Variants in SEC31B observed in about 807,000 individuals in gnomAD.
The protein encoded by SEC31B is protein transport protein Sec31B.
In SEC31B, 113 loss-of-function variants were observed where a neutral mutation model predicts 135.0. The observed-to-expected ratio is 0.84, with a 90% CI of 0.72 to 0.98. The LOEUF (loss-of-function observed/expected upper bound fraction) is 0.98. Among genes scored for constraint, SEC31B ranks in the 50% least tolerant of loss-of-function variants. SEC31B has a pLI of 0.00. For missense variants in SEC31B, 1,296 were observed against 1,421.1 expected (o/e 0.91, Z 1.42); for synonymous variants, 508 against 549.4 (o/e 0.92, Z 1.05).
intron 7 of SEC31B, 60 bp from the exon 8 acceptor site, chr10:100,506,480 C>A: frequency 9.6e-6 from 14 of 1,463,220 alleles, no homozygotes; most frequent in East Asian, 2.3e-5. Flanking sequence ...AGTAGGGTGC[C>A]TTATATGTCT....
chr10:100,512,454 T>C (rs1589740856), intron 3 of SEC31B, among the ~76,000 whole-genome samples: 1 of 152,234 alleles, frequency 6.6e-6, no homozygotes, highest in Non-Finnish European at 1.5e-5. Flanking sequence ...TTAATCCATA[T>C]TGATTCTGAC....
intron 19 of SEC31B, among the ~76,000 whole-genome samples, chr10:100,494,039 A>G (rs1156819727): frequency 1.3e-5 from 2 of 152,010 alleles, no homozygotes; most frequent in Non-Finnish European, 2.9e-5. Context: ...GAAAAAAAGA[A>G]AAGGAATTAG....
chr10:100,517,078 C>A, intron 1 of SEC31B, 81 bp from the exon 2 acceptor site: 1 of 699,008 alleles, frequency 1.4e-6, no homozygotes. Flanking sequence ...CTTTCTCCAT[C>A]ACAAGATAGG....
Position 100,495,418 on chromosome 10 carries a change from T to C in SEC31B, c.2439A>G (p.Ser813=), listed in dbSNP as rs758860343. The C allele has an allele frequency of 5.6e-6, 9 of 1,613,960 alleles. No individual in the cohort carries two copies. The highest frequency in any genetic ancestry group is 3.3e-5 in the Admixed American group (2 of 60,008). The part of the protein sequence containing the change: ...VGATLHSKET[S]SYRLGSQPSH... ...AAGGCTGGGATCCCAATCTGTAAGATGATGTCTCTTTAGAGTGGAGGGTAG... is the reference window on the plus strand; with the variant it reads ...AAGGCTGGGATCCCAATCTGTAAGACGATGTCTCTTTAGAGTGGAGGGTAG... Residue 813 remains serine (S), a synonymous_variant, in exon 19 of 26, where the codon TCA becomes TCG. Coordinates refer to ENST00000370345, the MANE Select transcript of SEC31B (RefSeq NM_015490.4).
intron 7 of SEC31B, 119 bp downstream of exon 7, chr10:100,507,306 G>T: frequency 7.9e-7 from 1 of 1,273,070 alleles, no homozygotes; most frequent in Non-Finnish European, 1.1e-6. Context: ...ATGTTGACCG[G>T]AATGGCTTTA....
rs193292825 is a variant in SEC31B at position 100,504,616 on chromosome 10, T to C, written c.1179+745A>G. 1.4e-3 allele frequency among the ~76,000 whole-genome samples: 216 copies of C among 152,310 alleles called. 1 individual carries two copies. Among genetic ancestry groups the C allele is most frequent in the Non-Finnish European group, 2.9e-4 (20 of 68,022 alleles). Reference sequence around the variant, plus strand: ...TATCCTTAAGGAGTCTATTACTTAGTAGGGTAATATGCATATATGTATATA... The same window carrying C: ...TATCCTTAAGGAGTCTATTACTTAGCAGGGTAATATGCATATATGTATATA... On this transcript the variant is annotated intron_variant, in intron 10 of 25. Coordinates refer to ENST00000370345, the MANE Select transcript of SEC31B (RefSeq NM_015490.4).
intron 3 of SEC31B, among the ~76,000 whole-genome samples, chr10:100,510,988 G>A (rs533017905): frequency 2.6e-5 from 4 of 152,324 alleles, no homozygotes; most frequent in South Asian, 2.1e-4. Context: ...AGGAACCAGC[G>A]GAGGGTATGT....
At position 100,488,804 on chromosome 10, in the gene SEC31B, C is replaced by T. The variant is rs555752328; in HGVS notation, c.3288+54G>A. The stretch of plus-strand genomic sequence containing the variant: ...AGGAACTGGTCCACAGCTGAGGGGT[C>T]CTGGAGCCAGCGAGGGGTGCGAGGA... On this transcript the variant is annotated intron_variant, in intron 24 of 25. Transcript: ENST00000370345. The T allele has an allele frequency of 5.4e-5, 83 of 1,526,054 alleles. No homozygotes were observed. In the South Asian group the frequency reaches 1.0e-3, roughly 19 times the overall value. The allele number at this position is 1,526,054 out of a possible 1,614,324, so 94.5% of individuals were successfully genotyped here. A position where few individuals can be genotyped will look rare whatever the true frequency, so the allele number is the denominator to read the frequency against.
intron 18 of SEC31B, among the ~76,000 whole-genome samples, chr10:100,495,858 C>T (rs1180124833): frequency 6.6e-6 from 1 of 152,134 alleles, no homozygotes; most frequent in Non-Finnish European, 1.5e-5. Flanking sequence ...ACTCTAGCCC[C>T]CTTAGAGATG....
At chr10:100,497,417 G>T in intron 16 of SEC31B, 137 bp from the exon 17 acceptor site, 1 of 1,494,924 alleles carries the variant, frequency 6.7e-7, no homozygotes, top group African/African-American at 1.4e-5. Flanking sequence ...TCACCTTGCT[G>T]TACAGAGAAG....
chr10:100,514,366 T>C (rs540048128), intron 3 of SEC31B, among the ~76,000 whole-genome samples: 17 of 152,262 alleles, frequency 1.1e-4, no homozygotes, highest in African/African-American at 3.6e-4. Context: ...CCTTTTTTCT[T>C]TTCCTATTAG....
intron 19 of SEC31B, among the ~76,000 whole-genome samples, chr10:100,493,162 G>A (rs555734687): frequency 1.8e-3 from 274 of 152,068 alleles, no homozygotes; most frequent in African/African-American, 6.1e-3. Flanking sequence ...TCACGAGGTC[G>A]GGAGATCAAG....
At chr10:100,508,465 T>G in intron 5 of SEC31B, 1 of 468,104 alleles carries the variant, frequency 2.1e-6, no homozygotes, top group Non-Finnish European at 4.2e-6. Flanking sequence ...ACTTACCTCA[T>G]GATACTGTAA....
At chr10:100,512,520 T>G (rs150334426) in intron 3 of SEC31B, among the ~76,000 whole-genome samples, 3,197 of 152,350 alleles carry the variant, frequency 0.021, 52 homozygotes, top group South Asian at 0.042. Context: ...AGCTTGAGGC[T>G]GTCCCTTATC....
At chr10:100,516,648 C>CAAAAAAAAAAAAAAAAAAAAAAAAA (rs59172062) in intron 2 of SEC31B, among the ~76,000 whole-genome samples, 1 of 47,508 alleles carries the variant, frequency 2.1e-5, no homozygotes, top group African/African-American at 8.1e-5. Flanking sequence ...GACTCTGTCT[C>CAAAAAAAAAAAAAAAAAAAAAAAAA]AAAAAAAAAA....
chr10:100,487,622 C>A lies in SEC31B; in HGVS notation c.3534G>T (p.Leu1178=). 3 of 1,612,326 alleles carry A rather than the reference C, an allele frequency of 1.9e-6. No individual in the cohort carries two copies. The highest frequency in any genetic ancestry group is 2.5e-6 in the Non-Finnish European group (3 of 1,179,316). Residue 1178 remains leucine (L), a synonymous_variant, in exon 26 of 26, where the codon CTG becomes CTT. Coordinates refer to ENST00000370345, the MANE Select transcript of SEC31B (RefSeq NM_015490.4). The part of the protein sequence containing the change: ...KAVLIIAHKL[L]V ...GCAAGAGAGGCTGCCTGGTTTAGAC[C>A]AGCAGCTTATGAGCGATGATGAGGA... is the stretch of plus-strand genomic sequence containing the variant.
chr10:100,519,490 G>A (rs1244727060), intron 1 of SEC31B, among the ~76,000 whole-genome samples: 1 of 152,268 alleles, frequency 6.6e-6, no homozygotes, highest in Admixed American at 6.5e-5. Flanking sequence ...GGACGGCCTC[G>A]GCTGGGCCAG....
At position 100,491,352 on chromosome 10, in the gene SEC31B, G is replaced by C. The variant is rs547652821; in HGVS notation, c.2473-469C>G. ...GTCAAAGAATTAATGCAAAGTTTAT[G>C]TAATCTCTTCCAGAAAATAGAAGGA... is the stretch of plus-strand genomic sequence containing the variant. On this transcript the variant is annotated intron_variant, in intron 19 of 25. Coordinates refer to ENST00000370345, the MANE Select transcript of SEC31B (RefSeq NM_015490.4). Among the ~76,000 whole-genome samples the C allele has an allele frequency of 7.9e-5, 12 of 152,314 alleles. No individual in the cohort carries two copies. In the East Asian group the frequency reaches 2.3e-3, roughly 29 times the overall value.
rs763071971 is a variant in SEC31B at position 100,487,723 on chromosome 10, G to A, written c.3433C>T (p.Leu1145Phe). 1.2e-6 allele frequency: 2 copies of A among 1,614,018 alleles called. No individual in the cohort carries two copies. The highest frequency in any genetic ancestry group is 2.2e-5 in the East Asian group (1 of 44,880). Reference sequence around the variant, plus strand: ...CCCGCCACCTGGGCATGCACTGCAAGGCCCTGCTCAAAGCTTCCTGCATCC... The same window carrying A: ...CCCGCCACCTGGGCATGCACTGCAAAGCCCTGCTCAAAGCTTCCTGCATCC... Reference protein sequence around the residue: ...CVDAGSFEQGLAVHAQVAGCS... With the variant: ...CVDAGSFEQGFAVHAQVAGCS... Residue 1145 changes from leucine (L) to phenylalanine (F), a missense_variant, in exon 26 of 26, where the codon CTT (leucine) becomes TTT (phenylalanine). Leu to Phe is a conservative substitution (Grantham distance 22). Transcript: ENST00000370345.
Sources: allele counts gnomAD v4.1 joint callset (sites outside exome capture counted in the v4.1 genomes callset), GRCh38; gene constraint gnomAD v4.1.1; transcripts MANE v1.5; gene names NCBI Gene and HGNC (gene_info 2026-07-23, HGNC 2026-07-21).